Variants in OR4D1 observed in about 807,000 individuals in gnomAD.
OR4D1 encodes olfactory receptor family 4 subfamily D member 1.
A neutral mutation model predicts 14.2 loss-of-function variants in OR4D1; 10 were observed. The ratio of observed to expected loss-of-function variants is 0.71; its 90% CI spans 0.44 to 1.20. The LOEUF (loss-of-function observed/expected upper bound fraction) is 1.20. OR4D1 is among the 50% of genes most tolerant of loss of function. The probability of loss-of-function intolerance (pLI) is 0.00; values close to 1 mark genes in which losing one functional copy is unlikely to be tolerated. For synonymous variants in OR4D1, 141 were observed against 147.4 expected, an observed-to-expected ratio of 0.96 and a Z score of 0.32; for missense variants, 345 against 376.6, an observed-to-expected ratio of 0.92 and a Z score of 0.70.
rs1967802818 is a variant in OR4D1 at position 58,158,200 on chromosome 17, TTTG to T, written c.*2119_*2121del. ...TTCTTAAAGAGACTGTGTAAGTCCA[TTTG>T]TTGTGTTTTCTTAAAGAGGGAGACA... On this transcript the variant is annotated 3_prime_UTR_variant, in exon 4 of 4. Transcript: ENST00000268912. The T allele has an allele frequency of 1.3e-5, 2 of 152,310 alleles. No individual in the cohort carries two copies. Among genetic ancestry groups the T allele is most frequent in the African/African-American group, 4.8e-5 (2 of 41,576 alleles). 9.4% of individuals were successfully genotyped at this position (152,310 alleles called of 1,614,324 possible).
At chr17:58,150,020 T>C (rs1001261642) in intron 2 of OR4D1, among the ~76,000 whole-genome samples, 14 of 152,206 alleles carry the variant, frequency 9.2e-5, no homozygotes, top group African/African-American at 2.9e-4. Flanking sequence ...CAGCAAAATA[T>C]TTAGTATAGT....
chr17:58,156,585 A>C lies in OR4D1; in HGVS notation c.*499A>C, dbSNP rs1411926077. The C allele has an allele frequency of 1.2e-5, 2 of 164,054 alleles. No homozygotes were observed. Among genetic ancestry groups the C allele is most frequent in the African/African-American group, 4.8e-5 (2 of 41,532 alleles). The allele number at this position is 164,054 out of a possible 1,614,324, so 10.2% of individuals were successfully genotyped here. A position where few individuals can be genotyped will look rare whatever the true frequency, so the allele number is the denominator to read the frequency against. Reference sequence around the variant, plus strand: ...CAGTTTTATCTCATTACTTTTCATGAAACCGACAGTAGATATATTATTATT... The same window carrying C: ...CAGTTTTATCTCATTACTTTTCATGCAACCGACAGTAGATATATTATTATT... On this transcript the variant is annotated 3_prime_UTR_variant, in exon 4 of 4. Transcript: ENST00000268912.
chr17:58,155,991 C>CGA lies in OR4D1; in HGVS notation c.838_839insGA (p.Pro280ArgfsTer7). 1 of 1,444,930 alleles carries CGA rather than the reference C, an allele frequency of 6.9e-7. No homozygotes were observed. The highest frequency in any genetic ancestry group is 1.6e-5 in the South Asian group (1 of 62,996). The allele number at this position is 1,444,930 out of a possible 1,614,324, so 89.5% of individuals were successfully genotyped here. On this transcript the variant is annotated frameshift_variant, in exon 4 of 4. Transcript: ENST00000268912. LOFTEE classifies it high-confidence loss of function. ...GTCCATCAGCTACACAGTCATGACCCCCATGCTCAACCCCATGATCTACAC... is the reference window on the plus strand; with the variant it reads ...GTCCATCAGCTACACAGTCATGACCCGACCATGCTCAACCCCATGATCTACAC...
intron 3 of OR4D1, 147 bp from the exon 4 acceptor site, chr17:58,154,988 T>G: frequency 1.6e-6 from 1 of 615,606 alleles, no homozygotes; most frequent in Non-Finnish European, 2.9e-6. Context: ...CATATGGAAC[T>G]TCCTCCCCGT....
In OR4D1 at chr17:58,155,441, C is replaced by T. The variant is rs1230033253; in HGVS notation, c.288C>T (p.Gly96=). The T allele has an allele frequency of 1.2e-6, 2 of 1,614,094 alleles. No individual in the cohort carries two copies. Among genetic ancestry groups the T allele is most frequent in the Admixed American group, 1.7e-5 (1 of 60,010 alleles). ...LHETKTISYQ[G]CMAQIFFFHL... is the part of the protein sequence containing the mutation. ...AGACCAAGACGATCTCCTACCAGGG[C>T]TGCATGGCCCAGATCTTCTTCTTCC... The change falls in exon 4 of 4, where the codon GGC becomes GGT. Residue 96 remains glycine, a synonymous_variant. Coordinates refer to ENST00000268912, the MANE Select transcript of OR4D1 (RefSeq NM_001386095.1).
intron 2 of OR4D1, among the ~76,000 whole-genome samples, chr17:58,153,503 T>A (rs965468651): frequency 6.6e-6 from 1 of 152,212 alleles, no homozygotes; most frequent in African/African-American, 2.4e-5. Flanking sequence ...AAATCCCTCA[T>A]AAGTTTTGAG....
At chr17:58,154,998 T>C (rs1967745641) in intron 3 of OR4D1, 137 bp from the exon 4 acceptor site, 2 of 635,780 alleles carry the variant, frequency 3.1e-6, no homozygotes, top group South Asian at 4.1e-5. Context: ...TTCCTCCCCG[T>C]GGAGGGCTTT....
intron 3 of OR4D1, among the ~76,000 whole-genome samples, chr17:58,154,266 C>CTTTTTTTTTTTTTTTTTTTTTTTT (rs3030795): frequency 7.3e-6 from 1 of 137,412 alleles, no homozygotes. Context: ...AGCCAACCCT[C>CTTTTTTTTTTTTTTTTTTTTTTTT]TTTTTTTTTT....
Position 58,157,961 on chromosome 17 carries a change from G to A in OR4D1, c.*1875G>A, listed in dbSNP as rs1987665. The A allele has an allele frequency of 0.71, 433,419 of 612,036 alleles. 155,302 individuals carry two copies. The highest frequency in any genetic ancestry group is 0.88 in the East Asian group (30,946 of 35,128). The allele number at this position is 612,036 out of a possible 1,614,324, so 37.9% of individuals were successfully genotyped here. A position where few individuals can be genotyped will look rare whatever the true frequency, so the allele number is the denominator to read the frequency against. ...GGCAGGGCCACACGACACAGCTGAAGTTTGTTCTTTAGGCGGAGGCACCAA... is the reference window on the plus strand; with the variant it reads ...GGCAGGGCCACACGACACAGCTGAAATTTGTTCTTTAGGCGGAGGCACCAA... On this transcript the variant is annotated 3_prime_UTR_variant, in exon 4 of 4. Transcript: ENST00000268912.
In OR4D1 at chr17:58,153,400, A is replaced by G. The variant is rs557899016; in HGVS notation, c.-126-457A>G. On this transcript the variant is annotated intron_variant, in intron 2 of 3. Coordinates refer to ENST00000268912, the MANE Select transcript of OR4D1 (RefSeq NM_001386095.1). ...GTTGGTGAAGCCACAGAACAAACAC[A>G]GCACATCTTCCTGGAATATCATTTT... is the stretch of plus-strand genomic sequence containing the variant. Among the ~76,000 whole-genome samples the G allele has an allele frequency of 2.6e-5, 4 of 152,388 alleles. No homozygotes were observed. The South Asian group carries it at 8.3e-4, about 32-fold the overall frequency.
chr17:58,157,068 C>T lies in OR4D1; in HGVS notation c.*982C>T. The T allele has an allele frequency of 7.1e-7, 1 of 1,409,756 alleles. No individual in the cohort carries two copies. Among genetic ancestry groups the T allele is most frequent in the Non-Finnish European group, 9.6e-7 (1 of 1,047,044 alleles). 87.3% of individuals were successfully genotyped at this position (1,409,756 alleles called of 1,614,324 possible). A position where few individuals can be genotyped will look rare whatever the true frequency, so the allele number is the denominator to read the frequency against. On this transcript the variant is annotated 3_prime_UTR_variant, in exon 4 of 4. Coordinates refer to ENST00000268912, the MANE Select transcript of OR4D1 (RefSeq NM_001386095.1). ...GAAGGGGCCAGCGGTGGCGGTCGGG[C>T]CAGGTCCGGGGCCTGGGGACGCCGA... is the stretch of plus-strand genomic sequence containing the variant.
Position 58,157,129 on chromosome 17 carries a change from G to T in OR4D1, c.*1043G>T. On this transcript the variant is annotated 3_prime_UTR_variant, in exon 4 of 4. Transcript: ENST00000268912. Reference sequence around the variant, plus strand: ...GAGGAGCGCCGCGTCAAGGTCTCCAGCCTGCCCTACAGTGTGGATGCGCTC... The same window carrying T: ...GAGGAGCGCCGCGTCAAGGTCTCCATCCTGCCCTACAGTGTGGATGCGCTC... The T allele has an allele frequency of 6.8e-7, 1 of 1,481,136 alleles. No individual in the cohort carries two copies. The allele number at this position is 1,481,136 out of a possible 1,614,324, so 91.7% of individuals were successfully genotyped here.
rs771251894 is a variant in OR4D1, at chr17:58,157,227, C to A, written c.*1141C>A. The A allele has an allele frequency of 2.0e-5, 29 of 1,464,670 alleles. No homozygotes were observed. The highest frequency in any genetic ancestry group is 2.7e-5 in the Admixed American group (1 of 36,682). 90.7% of individuals were successfully genotyped at this position (1,464,670 alleles called of 1,614,324 possible). On this transcript the variant is annotated 3_prime_UTR_variant, in exon 4 of 4. Transcript: ENST00000268912. Reference sequence around the variant, plus strand: ...AAGCGCCTCTTCCGGGGCCACCCTGCGGCTACTGCTGCTGCCGGGGCACGG... The same window carrying A: ...AAGCGCCTCTTCCGGGGCCACCCTGAGGCTACTGCTGCTGCCGGGGCACGG...
At position 58,158,105 on chromosome 17, in the gene OR4D1, G is replaced by A. The variant is rs1967801394; in HGVS notation, c.*2019G>A. On this transcript the variant is annotated 3_prime_UTR_variant, in exon 4 of 4. Coordinates refer to ENST00000268912, the MANE Select transcript of OR4D1 (RefSeq NM_001386095.1). ...AAATATAATACATTTGTATACAGTA[G>A]ATGTAAAAATTCAAATTATTTTAAA... is the stretch of plus-strand genomic sequence containing the variant. 1.3e-5 allele frequency: 2 copies of A among 156,380 alleles called. No homozygotes were observed. Among genetic ancestry groups the A allele is most frequent in the Admixed American group, 1.3e-4 (2 of 15,390 alleles). 9.7% of individuals were successfully genotyped at this position (156,380 alleles called of 1,614,324 possible).
In OR4D1 at chr17:58,155,778, A is replaced by G. The variant is rs373979343; in HGVS notation, c.625A>G (p.Ile209Val). The change falls in exon 4 of 4, where the codon ATC becomes GTC. Residue 209 changes from isoleucine (I) to valine (V), a missense_variant. Physicochemically the swap from Ile to Val is conservative, Grantham distance 29. Coordinates refer to ENST00000268912, the MANE Select transcript of OR4D1 (RefSeq NM_001386095.1). ...CTCCAACAGTGGGCTGCTAGTTATC[A>G]TCTGGTTCCTCCTCCTTCTGATCTC... ...MISNSGLLVI[I>V]WFLLLLISYT... 1 of 1,614,028 alleles carries G rather than the reference A, an allele frequency of 6.2e-7. No individual in the cohort carries two copies. The highest frequency in any genetic ancestry group is 8.5e-7 in the Non-Finnish European group (1 of 1,180,018).
At position 58,155,369 on chromosome 17, in the gene OR4D1, C is replaced by T. The variant is rs1180816147; in HGVS notation, c.216C>T (p.Cys72=). The T allele has an allele frequency of 6.2e-7, 1 of 1,614,054 alleles. No individual in the cohort carries two copies. The highest frequency in any genetic ancestry group is 8.5e-7 in the Non-Finnish European group (1 of 1,179,998). The change falls in exon 4 of 4, where the codon TGC becomes TGT. Residue 72 remains cysteine, a synonymous_variant. Coordinates refer to ENST00000268912, the MANE Select transcript of OR4D1 (RefSeq NM_001386095.1). ...LLRNLALIDL[C]YSTVTSPKML... ...GAAATCTAGCTCTCATAGACCTCTG[C>T]TATTCCACAGTCACCTCTCCAAAGA...
Position 58,157,499 on chromosome 17 carries a change from C to G in OR4D1, c.*1413C>G, listed in dbSNP as rs553685844. 1.4e-4 allele frequency: 166 copies of G among 1,175,376 alleles called. No homozygotes were observed. The highest frequency in any genetic ancestry group is 2.0e-4 in the Non-Finnish European group (156 of 782,900). 72.8% of individuals were successfully genotyped at this position (1,175,376 alleles called of 1,614,324 possible). The stretch of plus-strand genomic sequence containing the variant: ...GGGCAAGTTGCTCCAGAAACAGTAC[C>G]TCTCCATTGCAGAGGGTGCGGACTT... On this transcript the variant is annotated 3_prime_UTR_variant, in exon 4 of 4. Transcript: ENST00000268912.
Position 58,149,599 on chromosome 17 carries a change from A to G in OR4D1, c.-324A>G, listed in dbSNP as rs988479097. On this transcript the variant is annotated 5_prime_UTR_variant, in exon 2 of 4. The change abolishes an upstream ATG in the 5' untranslated region. Transcript: ENST00000268912. ...ACATGTGAGGAACAGAGCCATCCTC[A>G]TGAAAAAATACCAAGGCATAGCAAC... The G allele has an allele frequency of 6.6e-6, 1 of 152,290 alleles. No homozygotes were observed. Among genetic ancestry groups the G allele is most frequent in the Non-Finnish European group, 1.5e-5 (1 of 68,074 alleles). 9.4% of individuals were successfully genotyped at this position (152,290 alleles called of 1,614,324 possible).
At chr17:58,150,468 T>C (rs1462398048) in intron 2 of OR4D1, among the ~76,000 whole-genome samples, 3 of 152,120 alleles carry the variant, frequency 2.0e-5, no homozygotes, top group Admixed American at 2.0e-4. Context: ...TTGGTGATAA[T>C]ACATGTGGAG....
Sources: allele counts gnomAD v4.1 joint callset (sites outside exome capture counted in the v4.1 genomes callset), GRCh38; gene constraint gnomAD v4.1.1; transcripts MANE v1.5; gene names NCBI Gene and HGNC (gene_info 2026-07-23, HGNC 2026-07-21).